The following TAF12 variants were observed in gnomAD, a reference collection of about 807,000 sequenced individuals.
TAF12 encodes the protein transcription initiation factor TFIID subunit 12.
TAF12 carries 3 observed loss-of-function variants against 20.8 expected under a neutral mutation model. The observed-to-expected ratio is 0.14, with a 90% CI of 0.07 to 0.37. The LOEUF (loss-of-function observed/expected upper bound fraction) is 0.37. Among genes scored for constraint, TAF12 ranks in the 10% least tolerant of loss-of-function variants. The pLI is 1.00. For synonymous variants in TAF12, 69 were observed against 70.2 expected (o/e 0.98, Z 0.09); for missense variants, 131 against 197.9 (o/e 0.66, Z 2.03).
intron 3 of TAF12, among the ~76,000 whole-genome samples, chr1:28,613,873 C>T (rs1220702601): frequency 2.6e-5 from 4 of 152,042 alleles, no homozygotes; most frequent in East Asian, 3.9e-4. Flanking sequence ...TTTGGGAAGC[C>T]GAGTTGGGAG....
At chr1:28,623,511 T>C (rs1380825887) in intron 1 of TAF12, among the ~76,000 whole-genome samples, 2 of 151,698 alleles carry the variant, frequency 1.3e-5, no homozygotes, top group African/African-American at 2.4e-5. Context: ...AATAAATAAA[T>C]AAACTAGAAT....
At chr1:28,615,735 A>G (rs1006038507) in intron 3 of TAF12, among the ~76,000 whole-genome samples, 4 of 150,486 alleles carry the variant, frequency 2.7e-5, no homozygotes, top group Non-Finnish European at 3.0e-5. Flanking sequence ...TAAATCCTCA[A>G]GATAGGAGAC....
At chr1:28,628,382 G>C (rs1010727108) in intron 1 of TAF12, among the ~76,000 whole-genome samples, 2 of 151,644 alleles carry the variant, frequency 1.3e-5, no homozygotes, top group African/African-American at 4.8e-5. Context: ...ACCCTAAAAA[G>C]CTGGTCACAA....
At chr1:28,647,283 TA>T (rs765733266), upstream of TAF12, among the ~76,000 whole-genome samples, 902 of 150,958 alleles carry the variant, frequency 6.0e-3, 3 homozygotes, top group Middle Eastern at 0.01. Flanking sequence ...AATTGTCACA[TA>T]TTGTTTTTTT....
intron 3 of TAF12, among the ~76,000 whole-genome samples, chr1:28,613,782 CAG>C (rs1369166337): frequency 6.6e-6 from 1 of 152,176 alleles, no homozygotes; most frequent in African/African-American, 2.4e-5. Context: ...TTCACAGACT[CAG>C]AGAGACTAAT....
intron 1 of TAF12, among the ~76,000 whole-genome samples, chr1:28,638,728 T>C (rs1667928608): frequency 6.7e-6 from 1 of 148,334 alleles, no homozygotes. Context: ...TCAGGTGATC[T>C]GCCCACATCA....
intron 5 of TAF12, 41 bp from the exon 6 acceptor site, chr1:28,603,615 G>A (rs1421477383): frequency 6.2e-7 from 1 of 1,608,130 alleles, no homozygotes; most frequent in South Asian, 1.1e-5. Context: ...AGCAGCAGCT[G>A]GAGTCAGGAG....
intron 5 of TAF12, among the ~76,000 whole-genome samples, chr1:28,604,034 A>C (rs1354330148): frequency 6.6e-6 from 1 of 151,664 alleles, no homozygotes; most frequent in African/African-American, 2.4e-5. Context: ...CCTCCCCAGT[A>C]GCTGGGATTA....
intron 2 of TAF12, among the ~76,000 whole-genome samples, chr1:28,618,530 G>A (rs1233013808): frequency 1.3e-5 from 2 of 149,622 alleles, no homozygotes; most frequent in South Asian, 2.1e-4. Flanking sequence ...ATCATACCTG[G>A]CTAATTTTTT....
chr1:28,615,295 T>C (rs1268898086), intron 3 of TAF12, among the ~76,000 whole-genome samples: 1 of 152,002 alleles, frequency 6.6e-6, no homozygotes. Flanking sequence ...GGGAACCAAA[T>C]GGACACCATC....
chr1:28,634,471 T>C lies in TAF12; in HGVS notation c.-85+8521A>G, dbSNP rs914643092. 1.3e-5 allele frequency among the ~76,000 whole-genome samples: 2 copies of C among 151,484 alleles called. 1 individual carries two copies. Among genetic ancestry groups the C allele is most frequent in the Admixed American group, 1.3e-4 (2 of 15,180 alleles). On this transcript the variant is annotated intron_variant, in intron 1 of 5. Coordinates refer to ENST00000373824, the MANE Select transcript of TAF12 (RefSeq NM_005644.4). ...AAACAGGCATTAACTGTGGGACAGT[T>C]TGAGAGAACAATAATAATTAACCCT...
At chr1:28,618,634 C>T (rs1667116146) in intron 2 of TAF12, among the ~76,000 whole-genome samples, 1 of 151,432 alleles carries the variant, frequency 6.6e-6, no homozygotes, top group Admixed American at 6.6e-5. Flanking sequence ...CCTCAGCCTC[C>T]CAAAGTGCTG....
chr1:28,627,527 A>C (rs1667450381), intron 1 of TAF12, among the ~76,000 whole-genome samples: 1 of 151,770 alleles, frequency 6.6e-6, no homozygotes, highest in Non-Finnish European at 1.5e-5. Context: ...CCCTGTCTCT[A>C]CTAAAAATAC....
intron 5 of TAF12, among the ~76,000 whole-genome samples, chr1:28,604,829 T>C (rs1666612671): frequency 6.6e-6 from 1 of 152,138 alleles, no homozygotes; most frequent in Admixed American, 6.6e-5. Context: ...TGACCAAAGA[T>C]GGGGATGACT....
At chr1:28,641,895 A>C (rs934629031) in intron 1 of TAF12, among the ~76,000 whole-genome samples, 1 of 152,086 alleles carries the variant, frequency 6.6e-6, no homozygotes, top group African/African-American at 2.4e-5. Context: ...TTTGCTACGC[A>C]CAGAAGGGTA....
At position 28,633,548 on chromosome 1, in the gene TAF12, G is replaced by A. The variant is rs942541243; in HGVS notation, c.-85+9444C>T. Among the ~76,000 whole-genome samples, 13 of 148,896 alleles carry A rather than the reference G, an allele frequency of 8.7e-5. 1 individual carries two copies. The East Asian group carries it at 1.9e-3, about 21-fold the overall frequency. ...TCCCAGCACTTTGGGAGGCTGAGGCGGGCAGATCACTTGAGGTCAGGAGTT... is the reference window on the plus strand; with the variant it reads ...TCCCAGCACTTTGGGAGGCTGAGGCAGGCAGATCACTTGAGGTCAGGAGTT... On this transcript the variant is annotated intron_variant, in intron 1 of 5. Coordinates refer to ENST00000373824, the MANE Select transcript of TAF12 (RefSeq NM_005644.4).
At chr1:28,630,263 AAAAT>A (rs1375425490) in intron 1 of TAF12, among the ~76,000 whole-genome samples, 1 of 152,114 alleles carries the variant, frequency 6.6e-6, no homozygotes, top group Non-Finnish European at 1.5e-5. Context: ...CATTTATACA[AAAAT>A]AAGTTCAGGG....
At chr1:28,641,657 G>T (rs1668037540) in intron 1 of TAF12, among the ~76,000 whole-genome samples, 1 of 151,948 alleles carries the variant, frequency 6.6e-6, no homozygotes, top group African/African-American at 2.4e-5. Context: ...AGCAGGGCGT[G>T]GTGGCACACG....
chr1:28,644,904 G>A (rs137973641), upstream of TAF12, among the ~76,000 whole-genome samples: 10 of 152,284 alleles, frequency 6.6e-5, no homozygotes, highest in South Asian at 2.1e-4. Flanking sequence ...AAATTATGGC[G>A]ATTGTTAAAT....
Sources: allele counts gnomAD v4.1 joint callset (sites outside exome capture counted in the v4.1 genomes callset), GRCh38; gene constraint gnomAD v4.1.1; transcripts MANE v1.5; gene names NCBI Gene and HGNC (gene_info 2026-07-23, HGNC 2026-07-21).